The following KIF16B variants were observed in gnomAD, a reference collection of about 807,000 sequenced individuals.
KIF16B encodes the protein kinesin family member 16B.
Under a neutral mutation model 156.3 loss-of-function variants are expected in KIF16B, and 98 were observed. That is an observed-to-expected ratio of 0.63 (90% CI 0.53 to 0.74). KIF16B has a LOEUF of 0.74. KIF16B is among the 30% of genes least tolerant of loss of function. KIF16B has a pLI of 0.00. For missense variants in KIF16B, 1,421 were observed against 1,606.5 expected, an observed-to-expected ratio of 0.88 and a Z score of 1.97; for synonymous variants, 564 against 583.7, an observed-to-expected ratio of 0.97 and a Z score of 0.49.
intron 10 of KIF16B, among the ~76,000 whole-genome samples, chr20:16,503,662 C>T (rs982184507): frequency 1.3e-5 from 2 of 152,114 alleles, no homozygotes; most frequent in African/African-American, 4.8e-5. Flanking sequence ...AAAAGCTATC[C>T]TTCATTTTCT....
chr20:16,451,992 G>A (rs182936143), intron 12 of KIF16B, among the ~76,000 whole-genome samples: 116 of 152,224 alleles, frequency 7.6e-4, no homozygotes, highest in African/African-American at 2.6e-3. Flanking sequence ...CAAATAACAT[G>A]AGTAAGTGAA....
intron 17 of KIF16B, among the ~76,000 whole-genome samples, chr20:16,399,598 G>C (rs189661255): frequency 2.3e-4 from 35 of 152,304 alleles, no homozygotes; most frequent in Non-Finnish European, 2.6e-4. Context: ...ACCTGTGACA[G>C]GCCACACAAA....
chr20:16,530,806 A>T (rs1190404675), intron 1 of KIF16B, among the ~76,000 whole-genome samples: 1 of 151,928 alleles, frequency 6.6e-6, no homozygotes, highest in Non-Finnish European at 1.5e-5. Context: ...GGCTCAAGCG[A>T]TTATCCTGCC....
At chr20:16,466,356 T>C (rs550781182) in intron 12 of KIF16B, among the ~76,000 whole-genome samples, 1 of 152,338 alleles carries the variant, frequency 6.6e-6, no homozygotes, top group Non-Finnish European at 1.5e-5. Flanking sequence ...AATGGAGAGA[T>C]GGACAAGTGG....
intron 1 of KIF16B, among the ~76,000 whole-genome samples, chr20:16,558,776 C>A (rs943430183): frequency 2.6e-5 from 4 of 151,874 alleles, no homozygotes; most frequent in African/African-American, 9.7e-5. Context: ...CGGTGGTAGG[C>A]GCCTGTAATC....
chr20:16,494,722 G>A (rs1384696339), intron 11 of KIF16B, among the ~76,000 whole-genome samples: 3 of 152,126 alleles, frequency 2.0e-5, no homozygotes, highest in Admixed American at 6.5e-5. Flanking sequence ...AAAAAATAGT[G>A]ATTTATTTTT....
At chr20:16,349,268 C>T (rs1165359584) in intron 23 of KIF16B, among the ~76,000 whole-genome samples, 1 of 152,220 alleles carries the variant, frequency 6.6e-6, no homozygotes, top group African/African-American at 2.4e-5. Flanking sequence ...CCTGCTAGCC[C>T]ACCATCAGGG....
intron 12 of KIF16B, among the ~76,000 whole-genome samples, chr20:16,491,576 G>A (rs748637925): frequency 6.6e-6 from 1 of 152,196 alleles, no homozygotes; most frequent in Non-Finnish European, 1.5e-5. Context: ...ATATAAGGAA[G>A]AGGTTGCCAT....
intron 24 of KIF16B, among the ~76,000 whole-genome samples, chr20:16,328,125 A>G (rs2063887870): frequency 6.6e-6 from 1 of 152,208 alleles, no homozygotes; most frequent in Admixed American, 6.5e-5. Flanking sequence ...AAGTCCATCT[A>G]CAAATTAAAT....
At chr20:16,388,728 A>G (rs902034926) in intron 17 of KIF16B, among the ~76,000 whole-genome samples, 1 of 152,024 alleles carries the variant, frequency 6.6e-6, no homozygotes, top group Admixed American at 6.5e-5. Flanking sequence ...TCCTGTTATC[A>G]TCGGCAATAA....
At chr20:16,382,048 A>T (rs2065108815) in intron 17 of KIF16B, 2 of 1,173,860 alleles carry the variant, frequency 1.7e-6, no homozygotes, top group East Asian at 8.4e-5. Context: ...AAGCACGTCT[A>T]CTCCATGCAG....
chr20:16,291,762 C>T (rs567913802), intron 25 of KIF16B, among the ~76,000 whole-genome samples: 1 of 152,304 alleles, frequency 6.6e-6, no homozygotes, highest in African/African-American at 2.4e-5. Flanking sequence ...TGCCCAGATT[C>T]CTCCAAATAA....
At chr20:16,510,445 T>G (rs1205780550) in intron 6 of KIF16B, among the ~76,000 whole-genome samples, 1 of 151,382 alleles carries the variant, frequency 6.6e-6, no homozygotes, top group African/African-American at 2.4e-5. Context: ...AGGTCAGGAG[T>G]TCAAGACCAG....
At chr20:16,328,407 G>C (rs2063892910) in intron 24 of KIF16B, among the ~76,000 whole-genome samples, 1 of 152,166 alleles carries the variant, frequency 6.6e-6, no homozygotes, top group African/African-American at 2.4e-5. Context: ...GTTCCATGTA[G>C]CTTATACTCT....
intron 14 of KIF16B, among the ~76,000 whole-genome samples, chr20:16,427,714 T>C (rs1478847125): frequency 6.6e-6 from 1 of 152,034 alleles, no homozygotes; most frequent in East Asian, 1.9e-4. Flanking sequence ...CAAGGTGAAC[T>C]TGGCATGACA....
In KIF16B at chr20:16,483,033, G is replaced by C. The variant is rs559483335; in HGVS notation, c.1302+11258C>G. On this transcript the variant is annotated intron_variant, in intron 12 of 25. Coordinates refer to ENST00000354981, the MANE Select transcript of KIF16B (RefSeq NM_024704.5). Reference sequence around the variant, plus strand: ...AGCATACAGTGTCTCCTTGGCCCCAGAGACTGGTTCAGAAATGCACCATTC... The same window carrying C: ...AGCATACAGTGTCTCCTTGGCCCCACAGACTGGTTCAGAAATGCACCATTC... Among the ~76,000 whole-genome samples the C allele has an allele frequency of 4.5e-4, 68 of 152,284 alleles. 1 individual carries two copies. Among genetic ancestry groups the C allele is most frequent in the Non-Finnish European group, 8.5e-4 (58 of 68,022 alleles).
At chr20:16,517,385 C>A (rs950489690) in intron 3 of KIF16B, among the ~76,000 whole-genome samples, 4 of 152,212 alleles carry the variant, frequency 2.6e-5, no homozygotes, top group Non-Finnish European at 5.9e-5. Flanking sequence ...AAGTCTCAAC[C>A]ATAATGGCAA....
In KIF16B at chr20:16,451,711, G is replaced by A. The variant is rs763948821; in HGVS notation, c.1303-21729C>T. ...TCATGTCACCCTATCCAGTGCTGTC[G>A]AAGATTATATATCCAATACACGCTA... is the stretch of plus-strand genomic sequence containing the variant. On this transcript the variant is annotated intron_variant, in intron 12 of 25. Coordinates refer to ENST00000354981, the MANE Select transcript of KIF16B (RefSeq NM_024704.5). Among the ~76,000 whole-genome samples, 12 of 152,102 alleles carry A rather than the reference G, an allele frequency of 7.9e-5. 1 individual carries two copies. The highest frequency in any genetic ancestry group is 1.9e-4 in the African/African-American group (8 of 41,424).
chr20:16,342,795 T>C (rs2064163046), intron 23 of KIF16B, among the ~76,000 whole-genome samples: 1 of 152,178 alleles, frequency 6.6e-6, no homozygotes, highest in Non-Finnish European at 1.5e-5. Flanking sequence ...ATGAAGATGA[T>C]GAGTATCACC....
Sources: allele counts gnomAD v4.1 joint callset (sites outside exome capture counted in the v4.1 genomes callset), GRCh38; gene constraint gnomAD v4.1.1; transcripts MANE v1.5; gene names NCBI Gene and HGNC (gene_info 2026-07-23, HGNC 2026-07-21).